The following LRP1B variants were observed in gnomAD, a reference collection of about 807,000 sequenced individuals.
LRP1B encodes the protein LDL receptor related protein 1B, also known as low-density lipoprotein receptor-related protein 1B.
Under a neutral mutation model 556.6 loss-of-function variants are expected in LRP1B, and 217 were observed. That is an observed-to-expected ratio of 0.39 (90% CI 0.35 to 0.44). The LOEUF is 0.44. LRP1B is among the 20% of genes least tolerant of loss of function. LRP1B has a pLI of 1.00. For missense variants in LRP1B, 5,053 were observed against 5,620.8 expected (o/e 0.90, Z 3.23); for synonymous variants, 2,047 against 1,865.8 (o/e 1.10, Z -2.50).
intron 1 of LRP1B, among the ~76,000 whole-genome samples, chr2:141,856,166 G>A (rs1698044105): frequency 6.6e-6 from 1 of 152,036 alleles, no homozygotes; most frequent in Admixed American, 6.6e-5. Flanking sequence ...ATTGCATTTT[G>A]TGTGTTTACA....
chr2:140,807,794 T>C (rs1032747991), intron 32 of LRP1B, among the ~76,000 whole-genome samples: 1 of 152,200 alleles, frequency 6.6e-6, no homozygotes, highest in Admixed American at 6.5e-5. Context: ...CTTTTGTATT[T>C]GCCAGCTCTG....
intron 2 of LRP1B, among the ~76,000 whole-genome samples, chr2:141,609,837 C>G (rs558191922): frequency 1.3e-5 from 2 of 152,282 alleles, no homozygotes; most frequent in Middle Eastern, 3.4e-3. Flanking sequence ...ATTAGTCTTT[C>G]CACAATCTAA....
chr2:140,391,760 C>CA (rs1007231793), intron 66 of LRP1B, among the ~76,000 whole-genome samples: 10 of 151,506 alleles, frequency 6.6e-5, no homozygotes, highest in Middle Eastern at 3.4e-3. Context: ...TAAGTCATAG[C>CA]AAAAAAAAGT....
At chr2:141,743,406 CTT>C (rs1693783215) in intron 2 of LRP1B, among the ~76,000 whole-genome samples, 1 of 150,026 alleles carries the variant, frequency 6.7e-6, no homozygotes, top group South Asian at 2.1e-4. Context: ...TTTAATGTGT[CTT>C]TGTCTGCTTT....
At chr2:140,980,101 A>T (rs1012770281) in intron 18 of LRP1B, among the ~76,000 whole-genome samples, 7 of 150,198 alleles carry the variant, frequency 4.7e-5, no homozygotes, top group African/African-American at 1.2e-4. Flanking sequence ...TAGGCCTATT[A>T]AAAAAAAAGA....
chr2:141,866,131 G>C (rs1372746496), intron 1 of LRP1B, among the ~76,000 whole-genome samples: 1 of 152,210 alleles, frequency 6.6e-6, no homozygotes, highest in Non-Finnish European at 1.5e-5. Flanking sequence ...TTTATCTACA[G>C]AGACAGATCC....
rs908383653 is a variant in LRP1B, at chr2:140,706,443, A to G, written c.6024-3890T>C. On this transcript the variant is annotated intron_variant, in intron 37 of 90. Coordinates refer to ENST00000389484, the MANE Select transcript of LRP1B (RefSeq NM_018557.3). ...TCTGAATAATAAAATAGTATTTGTT[A>G]AACTAAAAAATGTTCTTTATTTAAA... 2.0e-5 allele frequency among the ~76,000 whole-genome samples: 3 copies of G among 152,216 alleles called. No individual in the cohort carries two copies. In the East Asian group the frequency reaches 5.8e-4, roughly 29 times the overall value.
At chr2:140,811,873 A>G (rs950995271) in intron 32 of LRP1B, among the ~76,000 whole-genome samples, 20 of 152,256 alleles carry the variant, frequency 1.3e-4, no homozygotes, top group African/African-American at 4.1e-4. Context: ...CTGGATATAT[A>G]CAATGAAAAG....
Position 140,328,948 on chromosome 2 carries a change from T to TCAAA in LRP1B, c.12224-3074_12224-3071dup, listed in dbSNP as rs535973126. Among the ~76,000 whole-genome samples the TCAAA allele has an allele frequency of 1.9e-3, 282 of 152,242 alleles. 1 individual carries two copies. The highest frequency in any genetic ancestry group is 6.3e-3 in the African/African-American group (263 of 41,576). The stretch of plus-strand genomic sequence containing the variant: ...TTGGCCAACAAATTTGCTTATTGAA[T>TCAAA]CAAACAATTAATTATGAGTGGTCCA... On this transcript the variant is annotated intron_variant, in intron 79 of 90. Coordinates refer to ENST00000389484, the MANE Select transcript of LRP1B (RefSeq NM_018557.3).
At chr2:140,657,350 C>T (rs1036065299) in intron 41 of LRP1B, among the ~76,000 whole-genome samples, 3 of 151,706 alleles carry the variant, frequency 2.0e-5, no homozygotes, top group Admixed American at 1.3e-4. Flanking sequence ...GAAAGAGAGG[C>T]CCAGAAACTC....
chr2:141,149,542 A>G (rs565074554), intron 7 of LRP1B, among the ~76,000 whole-genome samples: 1 of 151,938 alleles, frequency 6.6e-6, no homozygotes, highest in South Asian at 2.1e-4. Flanking sequence ...CTATTCTACA[A>G]CTCCTTTATA....
intron 2 of LRP1B, among the ~76,000 whole-genome samples, chr2:141,782,372 C>T (rs759200253): frequency 2.0e-5 from 3 of 151,996 alleles, no homozygotes; most frequent in Non-Finnish European, 4.4e-5. Context: ...GCCCCCTTCC[C>T]GCTTATGCAT....
In LRP1B at chr2:142,130,341, C is replaced by T. The variant is rs112202892; in HGVS notation, c.82+307G>A. Among the ~76,000 whole-genome samples the T allele has an allele frequency of 2.0e-3, 300 of 152,344 alleles. 2 individuals are homozygous for T. The highest frequency in any genetic ancestry group is 6.6e-3 in the African/African-American group (274 of 41,590). ...TCGGAAATGCGAATTCTCATTCCAACATCTGCAGCGCTTAGAATTCGCGGA... is the reference window on the plus strand; with the variant it reads ...TCGGAAATGCGAATTCTCATTCCAATATCTGCAGCGCTTAGAATTCGCGGA... On this transcript the variant is annotated intron_variant, in intron 1 of 90. Coordinates refer to ENST00000389484, the MANE Select transcript of LRP1B (RefSeq NM_018557.3).
chr2:141,167,753 A>C lies in LRP1B; in HGVS notation c.1013+20668T>G, dbSNP rs556065746. On this transcript the variant is annotated intron_variant, in intron 7 of 90. Coordinates refer to ENST00000389484, the MANE Select transcript of LRP1B (RefSeq NM_018557.3). ...GTCTCATATTCGAGAAGTAAAATTA[A>C]TAGTACTTAAAATCATAATCATTTC... Among the ~76,000 whole-genome samples the C allele has an allele frequency of 4.6e-5, 7 of 152,130 alleles. No individual in the cohort carries two copies. In the South Asian group the frequency reaches 1.2e-3, roughly 27 times the overall value.
At chr2:141,156,453 C>A (rs971675013) in intron 7 of LRP1B, among the ~76,000 whole-genome samples, 3 of 151,930 alleles carry the variant, frequency 2.0e-5, no homozygotes, top group East Asian at 1.9e-4. Context: ...ACGGTGAAAA[C>A]CCATCTCTAC....
At chr2:141,463,665 T>A (rs1682039048) in intron 3 of LRP1B, among the ~76,000 whole-genome samples, 1 of 136,368 alleles carries the variant, frequency 7.3e-6, no homozygotes, top group Admixed American at 7.8e-5. Flanking sequence ...ATTATATATA[T>A]TAAAATTATT....
chr2:142,027,854 G>A (rs763666425), intron 1 of LRP1B, among the ~76,000 whole-genome samples: 4 of 151,800 alleles, frequency 2.6e-5, no homozygotes, highest in Non-Finnish European at 5.9e-5. Context: ...CTGTAGCATT[G>A]CCCATTGGCT....
intron 1 of LRP1B, among the ~76,000 whole-genome samples, chr2:141,923,481 T>A (rs1451197367): frequency 1.7e-5 from 2 of 120,692 alleles, no homozygotes; most frequent in Non-Finnish European, 3.6e-5. Context: ...TGTGTGTGTG[T>A]GTGTGTAGAG....
chr2:141,600,247 T>A lies in LRP1B; in HGVS notation c.206-119714A>T, dbSNP rs568524816. ...TTGAAATCACCTGGAGAGCTTTTTTTAAAAAAATGCAATACCCAAGTCCCT... is the reference window on the plus strand; with the variant it reads ...TTGAAATCACCTGGAGAGCTTTTTTAAAAAAAATGCAATACCCAAGTCCCT... On this transcript the variant is annotated intron_variant, in intron 2 of 90. Transcript: ENST00000389484. Among the ~76,000 whole-genome samples the A allele has an allele frequency of 4.6e-5, 7 of 152,192 alleles. No homozygotes were observed. The South Asian group carries it at 1.2e-3, about 27-fold the overall frequency.
Sources: gnomAD v4.1 joint callset for allele counts (sites outside exome capture counted in the v4.1 genomes callset) on GRCh38, gnomAD v4.1.1 for gene constraint, MANE v1.5 for transcripts, NCBI Gene and HGNC (gene_info 2026-07-23, HGNC 2026-07-21) for gene names.